The following VWA8 variants were observed in gnomAD, a reference collection of about 807,000 sequenced individuals.
VWA8 encodes the protein von Willebrand factor A domain-containing protein 8.
A neutral mutation model predicts 241.5 loss-of-function variants in VWA8; 221 were observed. The observed-to-expected ratio is 0.91, with a 90% CI of 0.82 to 1.02. VWA8 has a LOEUF of 1.02. VWA8 is among the 50% of genes least tolerant of loss of function. VWA8 has a pLI of 0.00. For synonymous variants in VWA8, 852 were observed against 827.1 expected, an observed-to-expected ratio of 1.03 and a Z score of -0.52; for missense variants, 2,322 against 2,328.7, an observed-to-expected ratio of 1.00 and a Z score of 0.06.
chr13:41,674,144 C>G (rs971044896), intron 36 of VWA8, among the ~76,000 whole-genome samples: 1 of 152,100 alleles, frequency 6.6e-6, no homozygotes, highest in Admixed American at 6.6e-5. Context: ...ATATTTATTT[C>G]TTTGAATGAT....
chr13:41,692,896 G>A lies in VWA8; in HGVS notation c.3641C>T (p.Ser1214Phe). ...RLILPSEKFT[S>F]KKPFWWNKEE... is the part of the protein sequence containing the mutation. ...TTTGTTCCACCAGAAAGGTTTCTTA[G>A]ATGTAAACTTCTCGGAAGGGAGGAT... The change falls in exon 30 of 45, where the codon TCT becomes TTT. Residue 1214 changes from serine to phenylalanine, a missense_variant. Transcript: ENST00000379310. The A allele has an allele frequency of 6.2e-7, 1 of 1,611,290 alleles. No homozygotes were observed. The highest frequency in any genetic ancestry group is 1.1e-5 in the South Asian group (1 of 90,964).
chr13:41,781,257 C>T (rs901902925), intron 19 of VWA8, among the ~76,000 whole-genome samples: 1 of 152,136 alleles, frequency 6.6e-6, no homozygotes, highest in Non-Finnish European at 1.5e-5. Flanking sequence ...GGCACTCTTC[C>T]ACTTGCAACC....
At chr13:41,710,652 C>T (rs2045310417) in intron 26 of VWA8, among the ~76,000 whole-genome samples, 2 of 150,084 alleles carry the variant, frequency 1.3e-5, no homozygotes, top group East Asian at 2.0e-4. Flanking sequence ...TAGAACTCCA[C>T]GATCAACACC....
chr13:41,721,703 G>C (rs2045393783), intron 24 of VWA8, 128 bp from the exon 25 acceptor site: 1 of 936,506 alleles, frequency 1.1e-6, no homozygotes, highest in Non-Finnish European at 1.6e-6. Context: ...TCCAACAATA[G>C]GATGGTACAG....
intron 21 of VWA8, among the ~76,000 whole-genome samples, chr13:41,734,241 G>C (rs2045507746): frequency 6.6e-6 from 1 of 152,184 alleles, no homozygotes; most frequent in South Asian, 2.1e-4. Flanking sequence ...AGGAGGCTGA[G>C]ACAGGAGAAT....
At chr13:41,580,563 T>C (rs990179205) in intron 42 of VWA8, among the ~76,000 whole-genome samples, 1 of 152,166 alleles carries the variant, frequency 6.6e-6, no homozygotes, top group African/African-American at 2.4e-5. Context: ...AAAGTTTGTC[T>C]ATTATACCTC....
At chr13:41,882,542 C>G (rs1874287299) in intron 9 of VWA8, among the ~76,000 whole-genome samples, 1 of 152,278 alleles carries the variant, frequency 6.6e-6, no homozygotes, top group Non-Finnish European at 1.5e-5. Flanking sequence ...CAGACTCCGT[C>G]TGCAATCCCA....
chr13:41,663,110 A>G (rs2044963104), intron 37 of VWA8, among the ~76,000 whole-genome samples: 1 of 152,196 alleles, frequency 6.6e-6, no homozygotes, highest in African/African-American at 2.4e-5. Context: ...CAGGTTTTAT[A>G]GCTGCATTCA....
rs188628665 is a variant in VWA8 at position 41,568,742 on chromosome 13, C to T, written c.5610-437G>A. Among the ~76,000 whole-genome samples, 176 of 152,252 alleles carry T rather than the reference C, an allele frequency of 1.2e-3. 1 individual carries two copies. Among genetic ancestry groups the T allele is most frequent in the African/African-American group, 3.9e-3 (163 of 41,550 alleles). The stretch of plus-strand genomic sequence containing the variant: ...AGAAAACAGGCCTCTAAAAACGCTG[C>T]GCAGCCAAACCCTGAGTGGTTCTTT... On this transcript the variant is annotated intron_variant, in intron 44 of 44. Transcript: ENST00000379310.
intron 2 of VWA8, among the ~76,000 whole-genome samples, chr13:41,948,228 C>T (rs1259037104): frequency 6.6e-6 from 1 of 152,060 alleles, no homozygotes; most frequent in African/African-American, 2.4e-5. Flanking sequence ...CATCAATAAA[C>T]CTTGAAAACA....
chr13:41,699,127 T>G lies in VWA8; in HGVS notation c.3508A>C (p.Thr1170Pro), dbSNP rs373695860. ...TANGVWHPFV[T>P]VAPLGSPLKG... ...AGAGGACTTCCCAGCGGTGCCACTG[T>G]CACAAAAGGGTGCCAAACGCCATTG... The change falls in exon 29 of 45, where the codon ACA becomes CCA. Residue 1170 changes from threonine to proline, a missense_variant. Thr to Pro is a conservative substitution (Grantham distance 38, BLOSUM62 -1). Transcript: ENST00000379310. 46 of 1,614,042 alleles carry G rather than the reference T, an allele frequency of 2.8e-5. No individual in the cohort carries two copies.
At chr13:41,836,376 C>A (rs1273454335) in intron 12 of VWA8, among the ~76,000 whole-genome samples, 1 of 152,126 alleles carries the variant, frequency 6.6e-6, no homozygotes, top group African/African-American at 2.4e-5. Context: ...CAGCTTCAGA[C>A]TGAAAACAGC....
At chr13:41,858,157 C>T (rs1280846847) in intron 12 of VWA8, among the ~76,000 whole-genome samples, 1 of 152,146 alleles carries the variant, frequency 6.6e-6, no homozygotes, top group African/African-American at 2.4e-5. Flanking sequence ...TAATCTCACA[C>T]ATCAATTTCT....
At chr13:41,928,430 A>T (rs1395361111) in intron 2 of VWA8, among the ~76,000 whole-genome samples, 1 of 152,224 alleles carries the variant, frequency 6.6e-6, no homozygotes, top group Non-Finnish European at 1.5e-5. Flanking sequence ...GAAACTAGAA[A>T]ACAGTAACAG....
intron 9 of VWA8, 72 bp from the exon 10 acceptor site, chr13:41,868,549 C>T (rs981512894): frequency 1.4e-6 from 2 of 1,479,032 alleles, no homozygotes; most frequent in African/African-American, 1.4e-5. Context: ...TGACAGATTA[C>T]ACCTTAATTA....
intron 41 of VWA8, among the ~76,000 whole-genome samples, chr13:41,590,044 A>G (rs2044444325): frequency 6.6e-6 from 1 of 151,538 alleles, no homozygotes; most frequent in South Asian, 2.1e-4. Flanking sequence ...TCAGAGGGCG[A>G]AGGGGAAGTT....
intron 9 of VWA8, among the ~76,000 whole-genome samples, chr13:41,875,168 A>G (rs999413704): frequency 6.6e-6 from 1 of 152,110 alleles, no homozygotes; most frequent in African/African-American, 2.4e-5. Context: ...CCACTGTTTC[A>G]GTAGAAAGGA....
chr13:41,686,890 G>C (rs1343504404), intron 34 of VWA8, among the ~76,000 whole-genome samples: 1 of 151,968 alleles, frequency 6.6e-6, no homozygotes, highest in Non-Finnish European at 1.5e-5. Flanking sequence ...ATTCCAGGCT[G>C]CCCCTTCACA....
chr13:41,824,671 T>G (rs1015966401), intron 14 of VWA8, among the ~76,000 whole-genome samples: 10 of 151,796 alleles, frequency 6.6e-5, no homozygotes, highest in Admixed American at 1.3e-4. Context: ...TCTACAAAAA[T>G]AAATTTTTAA....
Sources: allele counts gnomAD v4.1 joint callset (sites outside exome capture counted in the v4.1 genomes callset), GRCh38; gene constraint gnomAD v4.1.1; transcripts MANE v1.5; gene names NCBI Gene and HGNC (gene_info 2026-07-23, HGNC 2026-07-21).